Variants in PLGRKT observed in about 807,000 individuals in gnomAD.
The protein encoded by PLGRKT is plasminogen receptor (KT).
In PLGRKT, 22 loss-of-function variants were observed where a neutral mutation model predicts 18.5. The ratio of observed to expected loss-of-function variants is 1.19; its 90% CI spans 0.85 to 1.70. The LOEUF is 1.70. PLGRKT is among the 40% of genes most tolerant of loss of function. PLGRKT has a pLI of 0.00. For synonymous variants in PLGRKT, 72 were observed against 52.8 expected (o/e 1.36, Z -1.58); for missense variants, 235 against 174.4 (o/e 1.35, Z -1.96).
intron 3 of PLGRKT, among the ~76,000 whole-genome samples, chr9:5,397,631 G>C (rs1420825354): frequency 6.6e-6 from 1 of 151,068 alleles, no homozygotes; most frequent in African/African-American, 2.5e-5. Flanking sequence ...GGGAAGAGGG[G>C]AGAGAGGGAA....
At chr9:5,391,249 T>G (rs540945654) in intron 3 of PLGRKT, among the ~76,000 whole-genome samples, 2 of 152,090 alleles carry the variant, frequency 1.3e-5, no homozygotes, top group South Asian at 4.1e-4. Flanking sequence ...ATAAGATTAT[T>G]TATCTTTGAA....
chr9:5,377,360 T>C (rs1817649770), intron 3 of PLGRKT, among the ~76,000 whole-genome samples: 1 of 152,060 alleles, frequency 6.6e-6, no homozygotes, highest in African/African-American at 2.4e-5. Context: ...TATTATATAA[T>C]CTTTTATTTA....
chr9:5,360,058 G>C (rs994338505), intron 5 of PLGRKT, among the ~76,000 whole-genome samples: 1 of 152,166 alleles, frequency 6.6e-6, no homozygotes, highest in African/African-American at 2.4e-5. Flanking sequence ...ATGATGGTTG[G>C]TGTTTTCATT....
intron 3 of PLGRKT, among the ~76,000 whole-genome samples, chr9:5,374,883 A>G (rs979312651): frequency 7.0e-4 from 107 of 152,212 alleles, no homozygotes; most frequent in African/African-American, 2.5e-3. Flanking sequence ...TCAAACTGAA[A>G]AAAAGTCATT....
At chr9:5,383,253 C>G (rs746448625) in intron 3 of PLGRKT, among the ~76,000 whole-genome samples, 5 of 152,176 alleles carry the variant, frequency 3.3e-5, no homozygotes, top group Non-Finnish European at 5.9e-5. Flanking sequence ...GGTGGGCTTG[C>G]TGACACACCT....
chr9:5,437,245 T>TG (rs1818977878), intron 1 of PLGRKT, among the ~76,000 whole-genome samples: 1 of 152,160 alleles, frequency 6.6e-6, no homozygotes, highest in African/African-American at 2.4e-5. Context: ...TGATTTTACT[T>TG]GGGGGGACAT....
Position 5,358,322 on chromosome 9 carries a change from A to G in PLGRKT, c.361T>C (p.Leu121=), listed in dbSNP as rs1367600409. ...EDILETEKSK[L]QLPRGMITFE... is the part of the protein sequence containing the mutation. ...GTGATCATTCCTCTTGGCAGCTGCA[A>G]TTTACTCTTTTCTGTTTCCAGTATG... is the stretch of plus-strand genomic sequence containing the variant. The change falls in exon 6 of 6, where the codon TTG becomes CTG. Residue 121 remains leucine (L), a synonymous_variant. Transcript: ENST00000223864. 6.8e-6 allele frequency: 11 copies of G among 1,611,670 alleles called. No individual in the cohort carries two copies. The highest frequency in any genetic ancestry group is 9.3e-6 in the Non-Finnish European group (11 of 1,178,082).
intron 3 of PLGRKT, among the ~76,000 whole-genome samples, chr9:5,431,092 G>T (rs1195161013): frequency 6.6e-6 from 1 of 152,194 alleles, no homozygotes; most frequent in African/African-American, 2.4e-5. Flanking sequence ...CCCTGTAGAG[G>T]CTCTAAAGAA....
At chr9:5,358,623 T>C (rs984639886) in intron 5 of PLGRKT, among the ~76,000 whole-genome samples, 2 of 152,224 alleles carry the variant, frequency 1.3e-5, no homozygotes, top group Non-Finnish European at 2.9e-5. Context: ...TAAGTAATTT[T>C]TTCCCTTGAA....
At chr9:5,368,630 T>G (rs963539425) in intron 3 of PLGRKT, among the ~76,000 whole-genome samples, 4 of 152,100 alleles carry the variant, frequency 2.6e-5, no homozygotes, top group Admixed American at 1.3e-4. Context: ...ACCTGTTGGG[T>G]TCTATGCTCA....
At chr9:5,376,700 G>C (rs1229428518) in intron 3 of PLGRKT, among the ~76,000 whole-genome samples, 1 of 152,078 alleles carries the variant, frequency 6.6e-6, no homozygotes, top group South Asian at 2.1e-4. Flanking sequence ...AATTCTGTAA[G>C]GTATTGTTAA....
At chr9:5,388,702 G>A (rs1309832124) in intron 3 of PLGRKT, among the ~76,000 whole-genome samples, 2 of 152,022 alleles carry the variant, frequency 1.3e-5, no homozygotes, top group Admixed American at 6.5e-5. Context: ...GGCCTGTTCT[G>A]TAATTTCTGC....
chr9:5,376,038 G>A (rs1036991118), intron 3 of PLGRKT, among the ~76,000 whole-genome samples: 1 of 152,208 alleles, frequency 6.6e-6, no homozygotes, highest in African/African-American at 2.4e-5. Flanking sequence ...AGGAAATTCT[G>A]ACACATACAA....
intron 3 of PLGRKT, among the ~76,000 whole-genome samples, chr9:5,412,632 G>A (rs1343086472): frequency 6.6e-6 from 1 of 152,126 alleles, no homozygotes; most frequent in African/African-American, 2.4e-5. Flanking sequence ...AAATCACCCA[G>A]TCTGTATATT....
chr9:5,390,500 T>A (rs1817929310), intron 3 of PLGRKT, among the ~76,000 whole-genome samples: 1 of 151,846 alleles, frequency 6.6e-6, no homozygotes, highest in African/African-American at 2.4e-5. Flanking sequence ...AAGGGCAGAA[T>A]GCAAACACTA....
intron 3 of PLGRKT, among the ~76,000 whole-genome samples, chr9:5,366,196 T>G (rs1483881556): frequency 6.6e-6 from 1 of 152,182 alleles, no homozygotes; most frequent in Non-Finnish European, 1.5e-5. Flanking sequence ...AATGAATTAA[T>G]GCAATTGTTA....
chr9:5,369,038 T>C (rs1011396346), intron 3 of PLGRKT, among the ~76,000 whole-genome samples: 6 of 152,142 alleles, frequency 3.9e-5, no homozygotes, highest in Non-Finnish European at 7.4e-5. Flanking sequence ...ATTCAGGACA[T>C]AGGCATGGGC....
At chr9:5,361,270 C>T in intron 4 of PLGRKT, 83 bp from the exon 5 acceptor site, 1 of 720,542 alleles carries the variant, frequency 1.4e-6, no homozygotes, top group South Asian at 1.8e-5. Flanking sequence ...AAAAAAATAC[C>T]TGCTTTTTGG....
Position 5,431,920 on chromosome 9 carries a change from T to A in PLGRKT, c.58A>T (p.Met20Leu), listed in dbSNP as rs1818835196. 14 of 1,535,806 alleles carry A rather than the reference T, an allele frequency of 9.1e-6. No homozygotes were observed. Among genetic ancestry groups the A allele is most frequent in the Non-Finnish European group, 1.3e-5 (14 of 1,109,988 alleles). The part of the protein sequence containing the change: ...NESMKNQKEF[M>L]LMNARLQLER... ...ACCTGAAGTCGAGCATTCATAAGCA[T>A]GAACTCCTTTTGATTTTTCATGCTT... is the stretch of plus-strand genomic sequence containing the variant. Residue 20 changes from methionine (M) to leucine (L), a missense_variant, in exon 3 of 6, where the codon ATG becomes TTG. By Grantham distance (15) the Met-to-Leu change is conservative (BLOSUM62 2). Transcript: ENST00000223864.
Sources: gnomAD v4.1 joint callset for allele counts (sites outside exome capture counted in the v4.1 genomes callset) on GRCh38, gnomAD v4.1.1 for gene constraint, MANE v1.5 for transcripts, NCBI Gene and HGNC (gene_info 2026-07-23, HGNC 2026-07-21) for gene names.